The following ALDH2 variants were observed in gnomAD, a reference collection of about 807,000 sequenced individuals.
ALDH2 encodes aldehyde dehydrogenase, mitochondrial.
Under a neutral mutation model 59.6 loss-of-function variants are expected in ALDH2, and 44 were observed. The observed-to-expected ratio is 0.74, with a 90% CI of 0.58 to 0.95. The LOEUF is 0.95. Among genes scored for constraint, ALDH2 ranks in the 40% least tolerant of loss-of-function variants. The probability of loss-of-function intolerance (pLI) is 0.00; values close to 1 mark genes in which losing one functional copy is unlikely to be tolerated. For missense variants in ALDH2, 570 were observed against 696.3 expected (o/e 0.82, Z 2.04); for synonymous variants, 291 against 284.0 (o/e 1.02, Z -0.25).
chr12:111,806,894 G>A (rs1229947472), intron 12 of ALDH2, among the ~76,000 whole-genome samples: 2 of 151,678 alleles, frequency 1.3e-5, no homozygotes, highest in Non-Finnish European at 2.9e-5. Flanking sequence ...GCCTGAACCC[G>A]GGAGGTGGAG....
chr12:111,802,879 C>CA (rs747777133), intron 11 of ALDH2, among the ~76,000 whole-genome samples: 224 of 52,726 alleles, frequency 4.2e-3, no homozygotes, highest in Middle Eastern at 0.023. Flanking sequence ...GACTCTGTCT[C>CA]AAAAAAAAAA....
chr12:111,768,499 T>C (rs1238296136), intron 1 of ALDH2, among the ~76,000 whole-genome samples: 1 of 152,264 alleles, frequency 6.6e-6, no homozygotes, highest in Non-Finnish European at 1.5e-5. Context: ...TATGGCTCCC[T>C]TGGCAGCCTG....
chr12:111,805,759 T>C (rs2068488709), intron 12 of ALDH2, among the ~76,000 whole-genome samples: 1 of 152,168 alleles, frequency 6.6e-6, no homozygotes, highest in Non-Finnish European at 1.5e-5. Flanking sequence ...GCGCGGTGGC[T>C]CACGCGTATA....
intron 1 of ALDH2, among the ~76,000 whole-genome samples, chr12:111,774,203 G>A (rs2068220129): frequency 6.6e-6 from 1 of 152,170 alleles, no homozygotes; most frequent in Admixed American, 6.5e-5. Context: ...TGTCTGCCTG[G>A]GTTAGTCTTG....
intron 8 of ALDH2, among the ~76,000 whole-genome samples, 163 bp downstream of exon 8, chr12:111,792,326 G>A (rs991152086): frequency 6.6e-6 from 1 of 152,234 alleles, no homozygotes; most frequent in African/African-American, 2.4e-5. Flanking sequence ...GCCTGGCCTT[G>A]GCCTGTCCCC....
At position 111,785,268 on chromosome 12, in the gene ALDH2, C is replaced by T; in HGVS notation, c.362C>T (p.Ala121Val). Residue 121 changes from alanine (A) to valine (V), a missense_variant and splice_region_variant, in exon 4 of 13, where the codon GCC (alanine) becomes GTC (valine). Physicochemically the swap from Ala to Val is moderately conservative, Grantham distance 64 (BLOSUM62 0). Transcript: ENST00000261733. ...CTGCTGACCTTGTTTTCTTCTCAGG[C>T]CTTGGAGACCCTGGACAATGGCAAG... ...LIERDRTYLAALETLDNGKPY... is the reference protein window; with the variant it reads ...LIERDRTYLAVLETLDNGKPY... 2 of 1,613,576 alleles carry T rather than the reference C, an allele frequency of 1.2e-6. No homozygotes were observed. The highest frequency in any genetic ancestry group is 3.3e-5 in the Admixed American group (2 of 60,012).
At chr12:111,774,616 G>A (rs1019171359) in intron 1 of ALDH2, among the ~76,000 whole-genome samples, 8 of 152,144 alleles carry the variant, frequency 5.3e-5, no homozygotes, top group Admixed American at 2.0e-4. Flanking sequence ...ACTGAACACA[G>A]TTTAGCCTTT....
chr12:111,784,717 C>T (rs1482638447), intron 3 of ALDH2, among the ~76,000 whole-genome samples: 2 of 152,126 alleles, frequency 1.3e-5, no homozygotes, highest in Non-Finnish European at 2.9e-5. Flanking sequence ...CAAGTTCAAG[C>T]AATTCTCCTG....
Position 111,816,611 on chromosome 12 carries a change from T to C in ALDH2, c.*7036T>C, listed in dbSNP as rs1485905074. 6.6e-6 allele frequency: 1 copy of C among 152,214 alleles called. No individual in the cohort carries two copies. Among genetic ancestry groups the C allele is most frequent in the Non-Finnish European group, 1.5e-5 (1 of 68,032 alleles). 9.4% of individuals were successfully genotyped at this position (152,214 alleles called of 1,614,324 possible). ...AGCTCTCTACATTTCCCCCTTTCTGTTTATGAATTAATTGAAAGAATGTAA... is the reference window on the plus strand; with the variant it reads ...AGCTCTCTACATTTCCCCCTTTCTGCTTATGAATTAATTGAAAGAATGTAA... On this transcript the variant is annotated 3_prime_UTR_variant, in exon 13 of 13. Coordinates refer to ENST00000261733, the MANE Select transcript of ALDH2 (RefSeq NM_000690.4).
chr12:111,792,264 T>C (rs1375975028), intron 8 of ALDH2, 101 bp downstream of exon 8: 3 of 952,812 alleles, frequency 3.1e-6, no homozygotes, highest in African/African-American at 3.3e-5. Flanking sequence ...CCAATGGCGT[T>C]GGTTGCTGTC....
At chr12:111,808,977 C>G (rs926645970) in intron 12 of ALDH2, among the ~76,000 whole-genome samples, 2 of 152,064 alleles carry the variant, frequency 1.3e-5, no homozygotes, top group Non-Finnish European at 2.9e-5. Context: ...TGACGCCAGT[C>G]CTGTGATAGG....
chr12:111,798,368 A>C, intron 10 of ALDH2, 126 bp downstream of exon 10: 1 of 986,544 alleles, frequency 1.0e-6, no homozygotes, highest in Admixed American at 3.1e-5. Context: ...TATACCCAGA[A>C]CCAGTGCCCA....
chr12:111,768,987 A>G (rs2068179060), intron 1 of ALDH2, among the ~76,000 whole-genome samples: 1 of 152,192 alleles, frequency 6.6e-6, no homozygotes, highest in South Asian at 2.1e-4. Flanking sequence ...TGTCTCAGAA[A>G]TGTCCTCAAG....
At chr12:111,780,139 C>A (rs1321405836) in intron 1 of ALDH2, among the ~76,000 whole-genome samples, 1 of 152,130 alleles carries the variant, frequency 6.6e-6, no homozygotes, top group Non-Finnish European at 1.5e-5. Context: ...GTGATCCGCC[C>A]ACCCCAGCCT....
intron 1 of ALDH2, among the ~76,000 whole-genome samples, chr12:111,778,776 T>A (rs1211734839): frequency 1.3e-5 from 2 of 148,914 alleles, no homozygotes; most frequent in African/African-American, 5.0e-5. Context: ...TGGAGTGCAG[T>A]GAGCTGAGAT....
intron 1 of ALDH2, chr12:111,775,493 T>G (rs1419131603): frequency 1.1e-5 from 4 of 368,632 alleles, no homozygotes; most frequent in Non-Finnish European, 2.2e-5. Context: ...TGAAAGCTTA[T>G]GGAATGCGTG....
At chr12:111,768,339 G>A (rs573159424) in intron 1 of ALDH2, among the ~76,000 whole-genome samples, 65 of 152,364 alleles carry the variant, frequency 4.3e-4, no homozygotes, top group African/African-American at 1.6e-3. Flanking sequence ...TGCTGGTCTG[G>A]CCCTGAGTGT....
intron 1 of ALDH2, among the ~76,000 whole-genome samples, chr12:111,776,639 A>T (rs1156765033): frequency 6.6e-6 from 1 of 152,078 alleles, no homozygotes; most frequent in Non-Finnish European, 1.5e-5. Flanking sequence ...AAGAAAAAAA[A>T]TTCAAACCCA....
intron 1 of ALDH2, among the ~76,000 whole-genome samples, chr12:111,776,104 G>T (rs1447821899): frequency 1.3e-5 from 2 of 152,194 alleles, no homozygotes; most frequent in East Asian, 3.8e-4. Flanking sequence ...CTAAATCAGA[G>T]GGGCCAGCCC....
Sources: allele counts gnomAD v4.1 joint callset (sites outside exome capture counted in the v4.1 genomes callset), GRCh38; gene constraint gnomAD v4.1.1; transcripts MANE v1.5; gene names NCBI Gene and HGNC (gene_info 2026-07-23, HGNC 2026-07-21).